The following CCDC150 variants were observed in gnomAD, a reference collection of about 807,000 sequenced individuals.
CCDC150 encodes coiled-coil domain-containing protein 150.
In CCDC150, 151 loss-of-function variants were observed where a neutral mutation model predicts 156.5. The observed-to-expected ratio is 0.97, with a 90% confidence interval of 0.85 to 1.10. The LOEUF is 1.10. Among genes scored for constraint, CCDC150 ranks in the 50% least tolerant of loss-of-function variants. The pLI, the probability that CCDC150 is intolerant of heterozygous loss-of-function variation, is 0.00. For synonymous variants in CCDC150, 452 were observed against 429.4 expected (o/e 1.05, Z -0.65); for missense variants, 1,312 against 1,268.1 (o/e 1.03, Z -0.53).
Position 196,639,760 on chromosome 2 carries a change from CG to C in CCDC150, c.-5del. Reference sequence around the variant, plus strand: ...GCCTGCTGCAGTACGGAGCCTCAGGCGGACAGATGGACTGTAAGGTGAGGCT... The same window carrying C: ...GCCTGCTGCAGTACGGAGCCTCAGGCGACAGATGGACTGTAAGGTGAGGCT... On this transcript the variant is annotated 5_prime_UTR_variant, in exon 1 of 28. Transcript: ENST00000389175. 1 of 1,573,442 alleles carries C rather than the reference CG, an allele frequency of 6.4e-7. No individual in the cohort carries two copies. The highest frequency in any genetic ancestry group is 8.7e-7 in the Non-Finnish European group (1 of 1,155,408).
chr2:196,724,823 T>G (rs1471985416), intron 21 of CCDC150, among the ~76,000 whole-genome samples: 1 of 152,204 alleles, frequency 6.6e-6, no homozygotes, highest in South Asian at 2.1e-4. Flanking sequence ...ATTTTTCAGA[T>G]TGAGGTGTGG....
chr2:196,684,194 A>G (rs566715781), intron 13 of CCDC150, among the ~76,000 whole-genome samples: 2 of 152,244 alleles, frequency 1.3e-5, no homozygotes, highest in East Asian at 1.9e-4. Context: ...CTGCAGCTAT[A>G]AATTTCCCTC....
At chr2:196,653,247 G>C (rs1482688876) in intron 2 of CCDC150, among the ~76,000 whole-genome samples, 2 of 152,190 alleles carry the variant, frequency 1.3e-5, no homozygotes, top group Admixed American at 1.3e-4. Flanking sequence ...ACATGGCTAG[G>C]CTGTAAATTT....
intron 9 of CCDC150, 138 bp from the exon 10 acceptor site, chr2:196,674,103 A>T (rs958979911): frequency 1.3e-5 from 7 of 536,522 alleles, no homozygotes; most frequent in Non-Finnish European, 2.3e-5. Flanking sequence ...AACTAATGAC[A>T]TGTGAATTGA....
chr2:196,649,176 A>G (rs550344310), intron 2 of CCDC150, among the ~76,000 whole-genome samples: 53 of 152,292 alleles, frequency 3.5e-4, no homozygotes, highest in African/African-American at 1.2e-3. Context: ...GAAGAATGAC[A>G]TTGGGATTTT....
At chr2:196,721,013 T>A (rs1242525614) in intron 20 of CCDC150, among the ~76,000 whole-genome samples, 1 of 151,942 alleles carries the variant, frequency 6.6e-6, no homozygotes, top group Non-Finnish European at 1.5e-5. Flanking sequence ...TAATAAGGAG[T>A]CACCTACACA....
At chr2:196,653,750 A>G (rs768618573) in intron 2 of CCDC150, among the ~76,000 whole-genome samples, 1 of 152,138 alleles carries the variant, frequency 6.6e-6, no homozygotes, top group African/African-American at 2.4e-5. Context: ...TTACATTTTC[A>G]ATTACCTTTT....
At chr2:196,651,356 A>G (rs1303389721) in intron 2 of CCDC150, among the ~76,000 whole-genome samples, 3 of 152,192 alleles carry the variant, frequency 2.0e-5, no homozygotes, top group South Asian at 2.1e-4. Flanking sequence ...TTTGAATTTG[A>G]CAGTACTTTT....
intron 1 of CCDC150, among the ~76,000 whole-genome samples, chr2:196,645,763 T>G (rs1286059241): frequency 6.6e-6 from 1 of 152,262 alleles, no homozygotes; most frequent in Non-Finnish European, 1.5e-5. Flanking sequence ...ATGTTATTTT[T>G]TAAAATGCTG....
At position 196,730,248 on chromosome 2, in the gene CCDC150, C is replaced by G. The variant is rs75210784; in HGVS notation, c.2982+130C>G. 3,534 of 731,534 alleles carry G rather than the reference C, an allele frequency of 4.8e-3. 97 individuals carry two copies. The African/African-American group carries it at 0.055, about 11-fold the overall frequency. 45.3% of individuals were successfully genotyped at this position (731,534 alleles called of 1,614,324 possible). On this transcript the variant is annotated intron_variant, in intron 25 of 27. Coordinates refer to ENST00000389175, the MANE Select transcript of CCDC150 (RefSeq NM_001080539.2). ...CACATTTACAAATTGTTTATCTTAG[C>G]TAAGTCCTTAGAATAATAGTATCTA...
At chr2:196,713,410 C>T (rs776966080) in intron 17 of CCDC150, 43 of 1,537,222 alleles carry the variant, frequency 2.8e-5, no homozygotes, top group Middle Eastern at 1.7e-4. Context: ...CAAAATCCCC[C>T]GAAATCTCTA....
chr2:196,668,234 T>C (rs559971071), intron 7 of CCDC150, among the ~76,000 whole-genome samples: 16 of 145,866 alleles, frequency 1.1e-4, no homozygotes, highest in Non-Finnish European at 1.5e-4. Context: ...GAGGCTGAGG[T>C]TGCAGTGAGC....
At chr2:196,713,734 G>C in intron 17 of CCDC150, 5 of 1,371,560 alleles carry the variant, frequency 3.6e-6, no homozygotes, top group Non-Finnish European at 4.7e-6. Flanking sequence ...ATTTATACAA[G>C]AATGAAATAT....
At position 196,657,124 on chromosome 2, in the gene CCDC150, C is replaced by G. The variant is rs1217506393; in HGVS notation, c.564C>G (p.Ala188=). 1 of 1,613,492 alleles carries G rather than the reference C, an allele frequency of 6.2e-7. No homozygotes were observed. Among genetic ancestry groups the G allele is most frequent in the African/African-American group, 1.3e-5 (1 of 74,904 alleles). The part of the protein sequence containing the change: ...VQRLTATLKI[A]SQTKKNAAII... The stretch of plus-strand genomic sequence containing the variant: ...GGTTGACTGCCACTCTGAAGATTGC[C>G]TCGCAGACAAAGGTTTGAGTCTAAG... The change falls in exon 4 of 28, where the codon GCC becomes GCG. Residue 188 remains alanine, a synonymous_variant. Coordinates refer to ENST00000389175, the MANE Select transcript of CCDC150 (RefSeq NM_001080539.2).
rs1378092826 is a variant in CCDC150 at position 196,658,794 on chromosome 2, G to C, written c.579G>C (p.Lys193Asn). ...ATCTTTTCTCCTTCTACTTTTAGAA[G>C]AATGCAGCCATTATTGAAGAGGAAC... ...ATLKIASQTKKNAAIIEEELK... is the reference protein window; with the variant it reads ...ATLKIASQTKNNAAIIEEELK... The change falls in exon 5 of 28, where the codon AAG becomes AAC. Residue 193 changes from lysine to asparagine, a missense_variant and splice_region_variant. By Grantham distance (94) the Lys-to-Asn change is moderately conservative. Coordinates refer to ENST00000389175, the MANE Select transcript of CCDC150 (RefSeq NM_001080539.2). 2.5e-6 allele frequency: 4 copies of C among 1,598,040 alleles called. No homozygotes were observed. Among genetic ancestry groups the C allele is most frequent in the Admixed American group, 1.7e-5 (1 of 58,542 alleles).
intron 17 of CCDC150, among the ~76,000 whole-genome samples, chr2:196,716,216 C>T (rs759402707): frequency 7.2e-5 from 11 of 152,064 alleles, no homozygotes; most frequent in Non-Finnish European, 1.6e-4. Context: ...TCTTTAAAAG[C>T]GAAACATACT....
chr2:196,668,158 T>A (rs1278284975), intron 7 of CCDC150, among the ~76,000 whole-genome samples: 1 of 151,848 alleles, frequency 6.6e-6, no homozygotes, highest in Non-Finnish European at 1.5e-5. Context: ...ATTAGCCAAG[T>A]GTGGTGGCAC....
chr2:196,659,492 A>G (rs748135762), intron 5 of CCDC150, among the ~76,000 whole-genome samples: 3 of 152,228 alleles, frequency 2.0e-5, no homozygotes, highest in Non-Finnish European at 2.9e-5. Context: ...AGAAGTAGAC[A>G]TACTTTTTAG....
At position 196,695,893 on chromosome 2, in the gene CCDC150, G is replaced by A. The variant is rs559328088; in HGVS notation, c.1623+734G>A. Among the ~76,000 whole-genome samples the A allele has an allele frequency of 2.9e-4, 44 of 151,904 alleles. No individual in the cohort carries two copies. In the South Asian group the frequency reaches 8.9e-3, roughly 31 times the overall value. ...GTTAAGTAGCTAATAATTTTCTTGT[G>A]TGCTTTCGAATACATGAAAAAGTAT... On this transcript the variant is annotated intron_variant, in intron 14 of 27. Coordinates refer to ENST00000389175, the MANE Select transcript of CCDC150 (RefSeq NM_001080539.2).
Sources: gnomAD v4.1 joint callset for allele counts (sites outside exome capture counted in the v4.1 genomes callset) on GRCh38, gnomAD v4.1.1 for gene constraint, MANE v1.5 for transcripts, NCBI Gene and HGNC (gene_info 2026-07-23, HGNC 2026-07-21) for gene names.